Variants in SORCS3 observed in about 807,000 individuals in gnomAD.
The protein encoded by SORCS3 is VPS10 domain-containing receptor SorCS3.
A neutral mutation model predicts 146.3 loss-of-function variants in SORCS3; 57 were observed. The observed-to-expected ratio is 0.39, with a 90% CI of 0.31 to 0.49. The LOEUF (loss-of-function observed/expected upper bound fraction) is 0.49. Among genes scored for constraint, SORCS3 ranks in the 20% least tolerant of loss-of-function variants. The pLI is 0.92. For missense variants in SORCS3, 1,341 were observed against 1,575.5 expected (o/e 0.85, Z 2.52); for synonymous variants, 653 against 618.5 (o/e 1.06, Z -0.83).
intron 5 of SORCS3, among the ~76,000 whole-genome samples, chr10:105,064,336 C>A (rs1431641980): frequency 6.6e-6 from 1 of 151,770 alleles, no homozygotes. Flanking sequence ...TCAGGGCTCT[C>A]CAGAGAGAGA....
chr10:105,215,530 G>C (rs970178960), intron 18 of SORCS3, among the ~76,000 whole-genome samples: 1 of 152,154 alleles, frequency 6.6e-6, no homozygotes, highest in Non-Finnish European at 1.5e-5. Context: ...CTCACAGCAG[G>C]TGCTGGAATT....
At chr10:104,794,261 A>G (rs1250181537) in intron 1 of SORCS3, among the ~76,000 whole-genome samples, 2 of 152,172 alleles carry the variant, frequency 1.3e-5, no homozygotes, top group Admixed American at 1.3e-4. Flanking sequence ...GGTTTGGAAA[A>G]TATGGCATGT....
intron 5 of SORCS3, among the ~76,000 whole-genome samples, chr10:105,084,965 C>T (rs1277840814): frequency 6.6e-6 from 1 of 152,004 alleles, no homozygotes. Flanking sequence ...CTCCTGACCT[C>T]GTGATCCGCC....
chr10:104,660,319 C>G (rs1295519375), intron 1 of SORCS3, among the ~76,000 whole-genome samples: 1 of 152,188 alleles, frequency 6.6e-6, no homozygotes, highest in Non-Finnish European at 1.5e-5. Flanking sequence ...TCCTGCCGAT[C>G]TGTGAGCTGG....
intron 8 of SORCS3, among the ~76,000 whole-genome samples, chr10:105,142,984 G>A (rs2056105816): frequency 6.6e-6 from 1 of 152,028 alleles, no homozygotes; most frequent in African/African-American, 2.4e-5. Context: ...TCACTGCTGT[G>A]TCACGGCCAC....
chr10:105,196,283 T>C (rs1433224442), intron 14 of SORCS3, among the ~76,000 whole-genome samples: 3 of 152,216 alleles, frequency 2.0e-5, no homozygotes, highest in Non-Finnish European at 2.9e-5. Context: ...CTCTTGTTCC[T>C]GTTGTTAGAA....
At chr10:105,208,832 A>G (rs1440502943) in intron 16 of SORCS3, among the ~76,000 whole-genome samples, 2 of 152,180 alleles carry the variant, frequency 1.3e-5, no homozygotes, top group Non-Finnish European at 2.9e-5. Flanking sequence ...AGCTGGCACA[A>G]CACTGAGTCC....
chr10:105,127,565 T>C (rs920512969), intron 7 of SORCS3, among the ~76,000 whole-genome samples: 1 of 152,078 alleles, frequency 6.6e-6, no homozygotes, highest in Non-Finnish European at 1.5e-5. Flanking sequence ...TTCAGTACAA[T>C]AATGAAAACT....
chr10:104,975,896 A>T (rs1245033389), intron 3 of SORCS3, among the ~76,000 whole-genome samples: 3 of 152,224 alleles, frequency 2.0e-5, no homozygotes, highest in Admixed American at 2.0e-4. Flanking sequence ...CTTACACCTT[A>T]TACAAAAATT....
In SORCS3 at chr10:104,727,285, G is replaced by A. The variant is rs150229757; in HGVS notation, c.627+85331G>A. 3.2e-3 allele frequency among the ~76,000 whole-genome samples: 490 copies of A among 152,240 alleles called. 2 individuals carry two copies. The highest frequency in any genetic ancestry group is 6.8e-3 in the Middle Eastern group (2 of 294). ...ATGGATTTTTATTGTTTTGTTGATT[G>A]CAAAAGAATATATATTCATTGTACT... is the stretch of plus-strand genomic sequence containing the variant. On this transcript the variant is annotated intron_variant, in intron 1 of 26. Transcript: ENST00000369701.
chr10:104,894,283 C>A (rs1441482582), intron 2 of SORCS3, among the ~76,000 whole-genome samples: 1 of 152,244 alleles, frequency 6.6e-6, no homozygotes, highest in Non-Finnish European at 1.5e-5. Context: ...CAGTATTCTT[C>A]ATCTACCAAC....
At chr10:105,192,346 C>T (rs2056521536) in intron 14 of SORCS3, among the ~76,000 whole-genome samples, 2 of 151,960 alleles carry the variant, frequency 1.3e-5, no homozygotes, top group South Asian at 4.2e-4. Flanking sequence ...TGGGGTAAGC[C>T]ATCCCAAGCA....
chr10:104,917,402 A>G (rs1017708704), intron 3 of SORCS3, among the ~76,000 whole-genome samples: 1 of 152,226 alleles, frequency 6.6e-6, no homozygotes, highest in Non-Finnish European at 1.5e-5. Context: ...TTTATATTGT[A>G]CAACATACTG....
At chr10:104,707,567 A>G (rs2016350415) in intron 1 of SORCS3, among the ~76,000 whole-genome samples, 3 of 152,202 alleles carry the variant, frequency 2.0e-5, no homozygotes, top group Admixed American at 2.0e-4. Flanking sequence ...GCAGGTTTGC[A>G]TATAATAGGA....
At chr10:105,210,158 A>G (rs2119638047) in intron 16 of SORCS3, among the ~76,000 whole-genome samples, 1 of 152,282 alleles carries the variant, frequency 6.6e-6, no homozygotes, top group East Asian at 1.9e-4. Context: ...GGACTTCCAC[A>G]AAATCTTGGC....
At chr10:104,950,997 A>G (rs1251389484) in intron 3 of SORCS3, among the ~76,000 whole-genome samples, 1 of 152,234 alleles carries the variant, frequency 6.6e-6, no homozygotes, top group East Asian at 1.9e-4. Flanking sequence ...TTTGACCTGC[A>G]CATCTACAGA....
At chr10:105,146,479 A>G (rs184944820) in intron 8 of SORCS3, among the ~76,000 whole-genome samples, 2 of 152,160 alleles carry the variant, frequency 1.3e-5, no homozygotes. Context: ...GAACATATGG[A>G]TATAGAGGGC....
chr10:105,133,200 T>C (rs974620562), intron 7 of SORCS3, among the ~76,000 whole-genome samples: 19 of 152,214 alleles, frequency 1.2e-4, no homozygotes, highest in Admixed American at 7.2e-4. Flanking sequence ...TGAAAATAAA[T>C]TCCTTTGACC....
chr10:104,831,613 C>CCAAG (rs1200865916), intron 1 of SORCS3, among the ~76,000 whole-genome samples: 1 of 152,168 alleles, frequency 6.6e-6, no homozygotes, highest in African/African-American at 2.4e-5. Flanking sequence ...CTAGATCTGT[C>CCAAG]CAAGCAACGT....
Sources: allele counts gnomAD v4.1 joint callset (sites outside exome capture counted in the v4.1 genomes callset), GRCh38; gene constraint gnomAD v4.1.1; transcripts MANE v1.5; gene names NCBI Gene and HGNC (gene_info 2026-07-23, HGNC 2026-07-21).